The following ZKSCAN5 variants were observed in gnomAD, a reference collection of about 807,000 sequenced individuals.
ZKSCAN5 encodes zinc finger with KRAB and SCAN domains 5.
Under a neutral mutation model 60.0 loss-of-function variants are expected in ZKSCAN5, and 28 were observed. The observed-to-expected ratio is 0.47, with a 90% CI of 0.35 to 0.64. The LOEUF (loss-of-function observed/expected upper bound fraction) is 0.64, where lower values mean the gene tolerates loss of function less well. Among genes scored for constraint, ZKSCAN5 ranks in the 30% least tolerant of loss-of-function variants. ZKSCAN5 has a pLI of 0.01. For missense variants in ZKSCAN5, 881 were observed against 1,034.6 expected (o/e 0.85, Z 2.04); for synonymous variants, 361 against 371.2 (o/e 0.97, Z 0.31).
intron 5 of ZKSCAN5, among the ~76,000 whole-genome samples, chr7:99,523,089 G>A (rs942111465): frequency 6.7e-5 from 10 of 149,058 alleles, no homozygotes; most frequent in Non-Finnish European, 1.2e-4. Flanking sequence ...GCTTGAATCC[G>A]GGAGGTGAAG....
rs530065318 is a variant in ZKSCAN5, at chr7:99,513,880, C to T, written c.553+1289C>T. 312 of 161,978 alleles carry T rather than the reference C, an allele frequency of 1.9e-3. 2 individuals are homozygous for T. The highest frequency in any genetic ancestry group is 1.5e-3 in the Non-Finnish European group (107 of 71,972). 10.0% of individuals were successfully genotyped at this position (161,978 alleles called of 1,614,324 possible). A position where few individuals can be genotyped will look rare whatever the true frequency, so the allele number is the denominator to read the frequency against. On this transcript the variant is annotated intron_variant, in intron 3 of 6. Transcript: ENST00000326775. Reference sequence around the variant, plus strand: ...CCGTCATGATGAAACACCGTCTCTACTAAAAATACAAAAAATTAGCTGGGC... The same window carrying T: ...CCGTCATGATGAAACACCGTCTCTATTAAAAATACAAAAAATTAGCTGGGC...
In ZKSCAN5 at chr7:99,527,576, C is replaced by T. The variant is rs113843574; in HGVS notation, c.1378+1158C>T. ...CTCCTTTTTATTTCTGACAGTCTGC[C>T]ATTGTGTGGTGGCATTGTAATTTAC... On this transcript the variant is annotated intron_variant, in intron 6 of 6. Coordinates refer to ENST00000326775, the MANE Select transcript of ZKSCAN5 (RefSeq NM_145102.4). Among the ~76,000 whole-genome samples the T allele has an allele frequency of 4.7e-3, 711 of 152,182 alleles. 6 individuals carry two copies. Among genetic ancestry groups the T allele is most frequent in the African/African-American group, 0.015 (635 of 41,532 alleles).
intron 6 of ZKSCAN5, among the ~76,000 whole-genome samples, chr7:99,528,712 G>C (rs1801915131): frequency 6.6e-6 from 1 of 152,168 alleles, no homozygotes; most frequent in Non-Finnish European, 1.5e-5. Flanking sequence ...ACAGGTGTGA[G>C]CCACCATGCC....
intron 5 of ZKSCAN5, among the ~76,000 whole-genome samples, chr7:99,522,565 C>T (rs1034115321): frequency 9.2e-5 from 14 of 151,568 alleles, no homozygotes; most frequent in Non-Finnish European, 1.6e-4. Context: ...CCTCTGCCTC[C>T]CGGGTTCAAG....
intron 2 of ZKSCAN5, among the ~76,000 whole-genome samples, chr7:99,509,379 C>T (rs772986801): frequency 8.5e-5 from 13 of 152,268 alleles, no homozygotes; most frequent in Non-Finnish European, 1.6e-4. Flanking sequence ...CTGCCTTGGC[C>T]TCCCAAAGTG....
rs750314714 is a variant in ZKSCAN5, at chr7:99,531,604, C to T, written c.1875C>T (p.Ser625=). The T allele has an allele frequency of 8.1e-6, 13 of 1,614,124 alleles. No homozygotes were observed. The highest frequency in any genetic ancestry group is 2.2e-5 in the East Asian group (1 of 44,880). Residue 625 remains serine (S), a synonymous_variant, in exon 7 of 7, where the codon AGC becomes AGT. Coordinates refer to ENST00000326775, the MANE Select transcript of ZKSCAN5 (RefSeq NM_145102.4). ...GGTCCCACCTTGTTCAGCATCAGAG[C>T]GTGCACAGTGGGGAGAGACCCTTCA... ...RVRSHLVQHQ[S]VHSGERPFKC...
In ZKSCAN5 at chr7:99,506,164, G is replaced by A; in HGVS notation, c.120G>A (p.Glu40=). 6.2e-7 allele frequency: 1 copy of A among 1,614,178 alleles called. No individual in the cohort carries two copies. Among genetic ancestry groups the A allele is most frequent in the Non-Finnish European group, 8.5e-7 (1 of 1,180,042 alleles). Residue 40 remains glutamate, a synonymous_variant, in exon 2 of 7, where the codon GAG becomes GAA. Coordinates refer to ENST00000326775, the MANE Select transcript of ZKSCAN5 (RefSeq NM_145102.4). ...VEEEDCTWMQ[E]YNPPTFETFY... ...AAGAAGACTGCACCTGGATGCAGGA[G>A]TACAACCCGCCAACGTTTGAGACTT...
At chr7:99,520,123 A>C in intron 4 of ZKSCAN5, 46 bp from the exon 5 acceptor site, 2 of 1,604,326 alleles carry the variant, frequency 1.2e-6, no homozygotes, top group Non-Finnish European at 1.7e-6. Flanking sequence ...CTCACTCCAA[A>C]TTTGGACATA....
At chr7:99,513,688 C>A in intron 3 of ZKSCAN5, 1 of 249,778 alleles carries the variant, frequency 4.0e-6, no homozygotes, top group Non-Finnish European at 8.5e-6. Context: ...CCACTGCGCT[C>A]AGCCTCCCTC....
chr7:99,507,555 A>G (rs547129680), intron 2 of ZKSCAN5, among the ~76,000 whole-genome samples: 39 of 147,232 alleles, frequency 2.6e-4, no homozygotes, highest in South Asian at 1.5e-3. Flanking sequence ...ATATATATGT[A>G]TATATATGTG....
intron 6 of ZKSCAN5, among the ~76,000 whole-genome samples, chr7:99,529,851 C>T (rs1313084506): frequency 1.3e-5 from 2 of 151,096 alleles, no homozygotes; most frequent in Non-Finnish European, 2.9e-5. Flanking sequence ...TTCTCTGCCT[C>T]AGCCTCTGGA....
chr7:99,526,037 G>C lies in ZKSCAN5; in HGVS notation c.997G>C (p.Asp333His), dbSNP rs1392467715. 1.2e-6 allele frequency: 2 copies of C among 1,614,202 alleles called. No individual in the cohort carries two copies. Among genetic ancestry groups the C allele is most frequent in the South Asian group, 1.1e-5 (1 of 91,084 alleles). Residue 333 changes from aspartate to histidine, a missense_variant, in exon 6 of 7, where the codon GAC becomes CAC. Around this residue, in one of 5 missense-constraint regions of ZKSCAN5, gnomAD observed 490 missense variants for 554.5 expected, o/e 0.88. Coordinates refer to ENST00000326775, the MANE Select transcript of ZKSCAN5 (RefSeq NM_145102.4). ...SQKRDLDAIT[D>H]ISPKQSTHGE... is the part of the protein sequence containing the mutation. ...GAAAAGGGATCTGGATGCAATCACA[G>C]ACATCAGCCCTAAGCAAAGCACACA... is the stretch of plus-strand genomic sequence containing the variant.
chr7:99,531,531 G>A lies in ZKSCAN5; in HGVS notation c.1802G>A (p.Gly601Asp), dbSNP rs1417263879. 3.1e-6 allele frequency: 5 copies of A among 1,614,198 alleles called. No individual in the cohort carries two copies. Among genetic ancestry groups the A allele is most frequent in the Admixed American group, 1.7e-5 (1 of 60,018 alleles). ...ACTCAGCATCAGCGCGTCCACACAG[G>A]TGAGAAGCCCTACACCTGTCCCTTA... Reference protein sequence around the residue: ...HLTQHQRVHTGEKPYTCPLCG... With the variant: ...HLTQHQRVHTDEKPYTCPLCG... The change falls in exon 7 of 7, where the codon GGT becomes GAT. Residue 601 changes from glycine to aspartate, a missense_variant. This residue lies in a region of ZKSCAN5 where 112 missense variants were observed against 182.4 expected (regional missense o/e 0.61). Transcript: ENST00000326775.
At chr7:99,521,349 C>T (rs1438289037) in intron 5 of ZKSCAN5, among the ~76,000 whole-genome samples, 1 of 152,074 alleles carries the variant, frequency 6.6e-6, no homozygotes, top group Non-Finnish European at 1.5e-5. Flanking sequence ...AGGCATGTGC[C>T]ACCATGCCCA....
chr7:99,509,387 G>T (rs1800913698), intron 2 of ZKSCAN5, among the ~76,000 whole-genome samples: 1 of 152,100 alleles, frequency 6.6e-6, no homozygotes, highest in Non-Finnish European at 1.5e-5. Context: ...GCCTCCCAAA[G>T]TGCTGGGATT....
At position 99,512,577 on chromosome 7, in the gene ZKSCAN5, T is replaced by C. The variant is rs771572292; in HGVS notation, c.539T>C (p.Leu180Pro). The change falls in exon 3 of 7, where the codon CTC (leucine) becomes CCC (proline). Residue 180 changes from leucine (L) to proline (P), a missense_variant. This residue lies in a region of ZKSCAN5 where 490 missense variants were observed against 554.5 expected (regional missense o/e 0.88). Coordinates refer to ENST00000326775, the MANE Select transcript of ZKSCAN5 (RefSeq NM_145102.4). Reference sequence around the variant, plus strand: ...GAGCAAGCGCCACAGAAGCCTCGTCTCCTGGAGGAAAATGGTGAGGCTCAG... The same window carrying C: ...GAGCAAGCGCCACAGAAGCCTCGTCCCCTGGAGGAAAATGGTGAGGCTCAG... ...QPEQAPQKPRLLEENALPVLQ... is the reference protein window; with the variant it reads ...QPEQAPQKPRPLEENALPVLQ... 1.9e-6 allele frequency: 3 copies of C among 1,614,056 alleles called. No homozygotes were observed. Among genetic ancestry groups the C allele is most frequent in the South Asian group, 2.2e-5 (2 of 91,076 alleles).
rs528161858 is a variant in ZKSCAN5, at chr7:99,524,426, G to A, written c.773-1387G>A. On this transcript the variant is annotated intron_variant, in intron 5 of 6. Coordinates refer to ENST00000326775, the MANE Select transcript of ZKSCAN5 (RefSeq NM_145102.4). Reference sequence around the variant, plus strand: ...GGGGTTTCGCTGTGTTGGTCAGGCTGGTCTCGAACTCCTGGCCTCAAGTGA... The same window carrying A: ...GGGGTTTCGCTGTGTTGGTCAGGCTAGTCTCGAACTCCTGGCCTCAAGTGA... 2.4e-4 allele frequency among the ~76,000 whole-genome samples: 36 copies of A among 152,196 alleles called. No homozygotes were observed. The South Asian group carries it at 3.5e-3, about 15-fold the overall frequency.
chr7:99,517,086 A>G (rs1335681578), intron 3 of ZKSCAN5, among the ~76,000 whole-genome samples: 4 of 152,132 alleles, frequency 2.6e-5, no homozygotes, highest in Non-Finnish European at 4.4e-5. Flanking sequence ...TTTCTTTGAG[A>G]TGGAGTTTTG....
Position 99,531,658 on chromosome 7 carries a change from G to A in ZKSCAN5, c.1929G>A (p.Gly643=). 6.2e-7 allele frequency: 1 copy of A among 1,614,184 alleles called. No individual in the cohort carries two copies. Among genetic ancestry groups the A allele is most frequent in the Non-Finnish European group, 8.5e-7 (1 of 1,180,040 alleles). Residue 643 remains glycine, a synonymous_variant, in exon 7 of 7, where the codon GGG becomes GGA. Coordinates refer to ENST00000326775, the MANE Select transcript of ZKSCAN5 (RefSeq NM_145102.4). ...FKCNECGKGF[G]RRSHLAGHLR... is the part of the protein sequence containing the mutation. ...GTAACGAATGTGGGAAAGGCTTTGG[G>A]AGGCGTTCCCACCTGGCTGGACATC...
Sources: allele counts gnomAD v4.1 joint callset (sites outside exome capture counted in the v4.1 genomes callset), GRCh38; gene constraint gnomAD v4.1.1; regional missense constraint gnomAD v4.1.1; transcripts MANE v1.5; gene names NCBI Gene and HGNC (gene_info 2026-07-23, HGNC 2026-07-21).